Variants in SYNDIG1 observed in about 807,000 individuals in gnomAD.
SYNDIG1 encodes synapse differentiation inducing 1.
Under a neutral mutation model 19.4 loss-of-function variants are expected in SYNDIG1, and 9 were observed. The observed-to-expected ratio is 0.46, with a 90% CI of 0.28 to 0.81. The LOEUF (loss-of-function observed/expected upper bound fraction) is 0.81. Among genes scored for constraint, SYNDIG1 ranks in the 30% least tolerant of loss-of-function variants. The pLI, the probability that SYNDIG1 is intolerant of heterozygous loss-of-function variation, is 0.12. For missense variants in SYNDIG1, 311 were observed against 343.3 expected, an observed-to-expected ratio of 0.91 and a Z score of 0.74; for synonymous variants, 141 against 145.9, an observed-to-expected ratio of 0.97 and a Z score of 0.24.
intron 1 of SYNDIG1, among the ~76,000 whole-genome samples, chr20:24,530,988 T>G (rs1568615814): frequency 6.6e-6 from 1 of 152,036 alleles, no homozygotes. Flanking sequence ...TTTTTGTATT[T>G]TAGTAGAGAC....
intron 2 of SYNDIG1, among the ~76,000 whole-genome samples, chr20:24,570,471 C>T (rs967363277): frequency 2.6e-5 from 4 of 152,092 alleles, no homozygotes; most frequent in Admixed American, 6.5e-5. Context: ...TTGCAACCAT[C>T]TAGTTTAAAA....
chr20:24,640,468 GGGAAAGAA>G (rs1316937772), intron 3 of SYNDIG1, among the ~76,000 whole-genome samples: 26 of 105,246 alleles, frequency 2.5e-4, no homozygotes, highest in Admixed American at 5.7e-4. Context: ...AAGGGAGGGA[GGGAAAGAA>G]GGAAGGAAGG....
chr20:24,597,805 C>A (rs1445464888), intron 3 of SYNDIG1, among the ~76,000 whole-genome samples: 1 of 152,164 alleles, frequency 6.6e-6, no homozygotes, highest in African/African-American at 2.4e-5. Flanking sequence ...AGAGTCACCT[C>A]GGTGTGCAAG....
chr20:24,561,714 T>C (rs2057949504), intron 2 of SYNDIG1, among the ~76,000 whole-genome samples: 1 of 152,154 alleles, frequency 6.6e-6, no homozygotes. Flanking sequence ...GGGCATGAGA[T>C]CGGCCTGCCT....
chr20:24,578,171 G>C (rs573441831), intron 2 of SYNDIG1, among the ~76,000 whole-genome samples: 105 of 152,346 alleles, frequency 6.9e-4, no homozygotes, highest in Middle Eastern at 3.4e-3. Flanking sequence ...GGATGGGCAT[G>C]ATGGCTCACG....
intron 1 of SYNDIG1, among the ~76,000 whole-genome samples, chr20:24,530,203 T>C (rs1203807113): frequency 2.6e-5 from 4 of 152,110 alleles, no homozygotes; most frequent in Non-Finnish European, 4.4e-5. Context: ...CAGGTTTTCT[T>C]GTTTCCAAAA....
chr20:24,654,650 G>GAGGAAGGAGGGA (rs1555817709), intron 3 of SYNDIG1, among the ~76,000 whole-genome samples: 12 of 117,352 alleles, frequency 1.0e-4, no homozygotes, highest in African/African-American at 4.1e-4. Context: ...GGGAGGGAGG[G>GAGGAAGGAGGGA]AGGAAGGAAG....
chr20:24,543,202 C>T lies in SYNDIG1; in HGVS notation c.105C>T (p.Ser35=). Residue 35 remains serine (S), a synonymous_variant, in exon 2 of 4, where the codon AGC becomes AGT. Transcript: ENST00000376862. The part of the protein sequence containing the change: ...LINTRNLMAE[S]RDGLVSVYPA... ...ACACCAGAAACTTGATGGCCGAGAG[C>T]AGAGATGGTCTGGTGTCTGTTTACC... 1.2e-6 allele frequency: 2 copies of T among 1,614,052 alleles called. No homozygotes were observed. The highest frequency in any genetic ancestry group is 1.7e-6 in the Non-Finnish European group (2 of 1,180,016).
At chr20:24,508,298 G>A (rs534976627) in intron 1 of SYNDIG1, among the ~76,000 whole-genome samples, 3 of 122,624 alleles carry the variant, frequency 2.4e-5, no homozygotes, top group Admixed American at 2.4e-4. Flanking sequence ...GCACAATCTC[G>A]GCTCACTGCA....
At chr20:24,575,648 G>A (rs556840482) in intron 2 of SYNDIG1, among the ~76,000 whole-genome samples, 5 of 152,162 alleles carry the variant, frequency 3.3e-5, no homozygotes, top group East Asian at 3.9e-4. Flanking sequence ...GTACAGAAAA[G>A]TTTCATATTT....
chr20:24,582,997 T>A (rs1212986706), intron 2 of SYNDIG1, among the ~76,000 whole-genome samples: 1 of 152,190 alleles, frequency 6.6e-6, no homozygotes, highest in Non-Finnish European at 1.5e-5. Context: ...TGAGCCCAAG[T>A]TCCACGAGAG....
At chr20:24,525,631 G>A (rs1191737441) in intron 1 of SYNDIG1, among the ~76,000 whole-genome samples, 1 of 152,140 alleles carries the variant, frequency 6.6e-6, no homozygotes, top group African/African-American at 2.4e-5. Context: ...AAGAAAGAGA[G>A]AGAAGAATGG....
Position 24,555,173 on chromosome 20 carries a change from C to T in SYNDIG1, c.480+11596C>T, listed in dbSNP as rs569557948. On this transcript the variant is annotated intron_variant, in intron 2 of 3. Coordinates refer to ENST00000376862, the MANE Select transcript of SYNDIG1 (RefSeq NM_024893.3). The stretch of plus-strand genomic sequence containing the variant: ...ATATCCCCTTTATCATTTTTTATTG[C>T]ATCTATTTGATTCTTCTCTCTTTTC... Among the ~76,000 whole-genome samples the T allele has an allele frequency of 6.8e-3, 1,027 of 152,128 alleles. 10 individuals carry two copies. Among genetic ancestry groups the T allele is most frequent in the African/African-American group, 0.023 (971 of 41,494 alleles).
intron 3 of SYNDIG1, among the ~76,000 whole-genome samples, chr20:24,638,761 A>G (rs966670552): frequency 6.6e-6 from 1 of 152,248 alleles, no homozygotes; most frequent in African/African-American, 2.4e-5. Flanking sequence ...GATAAATGGC[A>G]TATTAAATGT....
intron 2 of SYNDIG1, among the ~76,000 whole-genome samples, chr20:24,557,293 C>A (rs1014224141): frequency 3.9e-5 from 6 of 152,220 alleles, no homozygotes; most frequent in African/African-American, 1.4e-4. Context: ...CTGAAGCCTT[C>A]TTCTCTCGAC....
At chr20:24,499,016 T>TTTTG (rs145903809) in intron 1 of SYNDIG1, among the ~76,000 whole-genome samples, 2,294 of 152,090 alleles carry the variant, frequency 0.015, 57 homozygotes, top group African/African-American at 0.052. Flanking sequence ...GTTTCTCCTG[T>TTTTG]TTTGTTTGTT....
At chr20:24,523,456 A>G (rs2057050922) in intron 1 of SYNDIG1, among the ~76,000 whole-genome samples, 1 of 152,200 alleles carries the variant, frequency 6.6e-6, no homozygotes, top group Non-Finnish European at 1.5e-5. Flanking sequence ...GTTTATATGT[A>G]GATTCTAAAT....
At chr20:24,585,231 C>G (rs183973136) in intron 3 of SYNDIG1, among the ~76,000 whole-genome samples, 4 of 152,210 alleles carry the variant, frequency 2.6e-5, no homozygotes, top group African/African-American at 9.6e-5. Context: ...GGTGGGACTG[C>G]GTTCCGAAGA....
intron 3 of SYNDIG1, among the ~76,000 whole-genome samples, chr20:24,610,912 T>G (rs778542862): frequency 2.5e-4 from 38 of 152,204 alleles, no homozygotes; most frequent in Admixed American, 2.6e-4. Context: ...TTGAGGACTT[T>G]GCCCTGCTGC....
Sources: gnomAD v4.1 joint callset for allele counts (sites outside exome capture counted in the v4.1 genomes callset) on GRCh38, gnomAD v4.1.1 for gene constraint, MANE v1.5 for transcripts, NCBI Gene and HGNC (gene_info 2026-07-23, HGNC 2026-07-21) for gene names.